Variants in ZNF384 observed in about 807,000 individuals in gnomAD.
ZNF384 encodes the protein zinc finger protein 384, also known as CAG repeat protein 1.
A neutral mutation model predicts 65.0 loss-of-function variants in ZNF384; 20 were observed. The ratio of observed to expected loss-of-function variants is 0.31; its 90% CI spans 0.22 to 0.45. ZNF384 has a LOEUF of 0.45. Ranked by LOEUF, ZNF384 falls within the 20% of genes least tolerant of loss-of-function variation. The pLI is 1.00. For missense variants in ZNF384, 549 were observed against 769.4 expected (o/e 0.71, Z 3.39); for synonymous variants, 310 against 303.9 (o/e 1.02, Z -0.21).
At chr12:6,681,441 G>A (rs979621799) in intron 2 of ZNF384, among the ~76,000 whole-genome samples, 1 of 152,118 alleles carries the variant, frequency 6.6e-6, no homozygotes, top group African/African-American at 2.4e-5. Flanking sequence ...GAGAGTGTGA[G>A]ACTGGTGAAA....
chr12:6,679,492 G>A lies in ZNF384; in HGVS notation c.29C>T (p.Pro10Leu), dbSNP rs767358168. 4 of 1,614,084 alleles carry A rather than the reference G, an allele frequency of 2.5e-6. No homozygotes were observed. Among genetic ancestry groups the A allele is most frequent in the Non-Finnish European group, 3.4e-6 (4 of 1,179,938 alleles). The change falls in exon 3 of 12, where the codon CCG becomes CTG. Residue 10 changes from proline to leucine, a missense_variant. Around this residue, in one of 5 missense-constraint regions of ZNF384, gnomAD observed 277 missense variants for 337.2 expected, o/e 0.82. Transcript: ENST00000683879. MEESHFNSN[P>L]YFWPSIPTVS... The stretch of plus-strand genomic sequence containing the variant: ...TGTGGGGATAGAAGGCCAGAAGTAC[G>A]GGTTAGAATTGAAGTGAGATTCTTC...
intron 6 of ZNF384, 85 bp from the exon 7 acceptor site, chr12:6,677,344 G>A: frequency 1.8e-5 from 22 of 1,207,994 alleles, no homozygotes; most frequent in Non-Finnish European, 2.3e-5. Flanking sequence ...ATCTGCCCCT[G>A]TCTATATCAA....
chr12:6,686,280 G>C (rs1047746328), intron 2 of ZNF384, among the ~76,000 whole-genome samples: 2 of 152,182 alleles, frequency 1.3e-5, no homozygotes, highest in Admixed American at 6.5e-5. Context: ...ATGAGACAGA[G>C]TCTCATTTTG....
rs199639993 is a variant in ZNF384, at chr12:6,672,541, G to A, written c.1005-9C>T. On this transcript the variant is annotated splice_polypyrimidine_tract_variant and intron_variant, in intron 8 of 11. Coordinates refer to ENST00000683879, the MANE Select transcript of ZNF384 (RefSeq NM_001385745.1). This position sits in a 1 kb window ranked among gnomAD's most constrained non-coding sequence, Gnocchi z 4.4. ...GCATCTTGGAGTGGATCCTGCCGGA[G>A]AGGAGAGGAGGGAAGGGGGGAGGAG... 4 of 1,613,334 alleles carry A rather than the reference G, an allele frequency of 2.5e-6. No homozygotes were observed.
chr12:6,668,151 G>A (rs1555086754), intron 11 of ZNF384, 36 bp from the exon 12 acceptor site: 1 of 1,534,018 alleles, frequency 6.5e-7, no homozygotes, highest in Non-Finnish European at 8.8e-7. Flanking sequence ...GAGGGATAAA[G>A]AGGAAGGAAA....
chr12:6,672,267 T>C lies in ZNF384; in HGVS notation c.1187+83A>G. 7.0e-7 allele frequency: 1 copy of C among 1,423,370 alleles called. No homozygotes were observed. The highest frequency in any genetic ancestry group is 1.4e-5 in the South Asian group (1 of 73,486). The allele number at this position is 1,423,370 out of a possible 1,614,324, so 88.2% of individuals were successfully genotyped here. A position where few individuals can be genotyped will look rare whatever the true frequency, so the allele number is the denominator to read the frequency against. On this transcript the variant is annotated intron_variant, in intron 9 of 11. Transcript: ENST00000683879. This position sits in a 1 kb window ranked among gnomAD's most constrained non-coding sequence, Gnocchi z 4.4. ...CCAGGTCTCTCCCCCGCCCCCCGCATGCGGGTTGTTGTGTGTGTCCGGGGC... is the reference window on the plus strand; with the variant it reads ...CCAGGTCTCTCCCCCGCCCCCCGCACGCGGGTTGTTGTGTGTGTCCGGGGC...
chr12:6,677,286 T>C (rs1954010440), intron 6 of ZNF384, 27 bp from the exon 7 acceptor site: 1 of 1,305,038 alleles, frequency 7.7e-7, no homozygotes, highest in East Asian at 4.4e-5. Context: ...ATTGCCCATC[T>C]GGGTACACTA....
At chr12:6,685,393 G>GA in intron 2 of ZNF384, among the ~76,000 whole-genome samples, 1 of 152,098 alleles carries the variant, frequency 6.6e-6, no homozygotes, top group African/African-American at 2.4e-5. Context: ...TAATTTGGTG[G>GA]AAAGAAAAAT....
chr12:6,685,829 G>C (rs543828241), intron 2 of ZNF384, among the ~76,000 whole-genome samples: 2 of 150,764 alleles, frequency 1.3e-5, no homozygotes, highest in Non-Finnish European at 3.0e-5. Flanking sequence ...AATTAAGTTG[G>C]AGAGTAATTT....
Position 6,672,263 on chromosome 12 carries a change from C to G in ZNF384, c.1187+87G>C, listed in dbSNP as rs924006682. ...CCAGCCAGGTCTCTCCCCCGCCCCC[C>G]GCATGCGGGTTGTTGTGTGTGTCCG... On this transcript the variant is annotated intron_variant, in intron 9 of 11. Coordinates refer to ENST00000683879, the MANE Select transcript of ZNF384 (RefSeq NM_001385745.1). The surrounding 1 kb of genome is among the most constrained non-coding windows in gnomAD (Gnocchi z 4.4). The G allele has an allele frequency of 1.4e-6, 2 of 1,425,148 alleles. No individual in the cohort carries two copies. Among genetic ancestry groups the G allele is most frequent in the Non-Finnish European group, 9.4e-7 (1 of 1,060,104 alleles). 88.3% of individuals were successfully genotyped at this position (1,425,148 alleles called of 1,614,324 possible). A position where few individuals can be genotyped will look rare whatever the true frequency, so the allele number is the denominator to read the frequency against.
At chr12:6,676,263 T>G (rs1002848860) in intron 7 of ZNF384, among the ~76,000 whole-genome samples, 7 of 151,904 alleles carry the variant, frequency 4.6e-5, no homozygotes, top group African/African-American at 1.7e-4. Context: ...ATTGTGCCAC[T>G]GCACACCAGC....
chr12:6,679,195 G>A lies in ZNF384; in HGVS notation c.67-12C>T, dbSNP rs374095396. 1.2e-4 allele frequency: 182 copies of A among 1,558,480 alleles called. No individual in the cohort carries two copies. The highest frequency in any genetic ancestry group is 1.5e-4 in the Non-Finnish European group (174 of 1,150,174). On this transcript the variant is annotated splice_polypyrimidine_tract_variant and intron_variant, in intron 3 of 11. Transcript: ENST00000683879. The stretch of plus-strand genomic sequence containing the variant: ...ATTGTGTTCTCGATCTAAGAGAAAA[G>A]GAAGGGGACGGGAGCACCCTCTTCA...
At chr12:6,686,805 G>A (rs1424891098) in intron 2 of ZNF384, among the ~76,000 whole-genome samples, 1 of 152,148 alleles carries the variant, frequency 6.6e-6, no homozygotes, top group Non-Finnish European at 1.5e-5. Flanking sequence ...GACTATTAGC[G>A]ACAATTAGTG....
At position 6,679,247 on chromosome 12, in the gene ZNF384, G is replaced by C. The variant is rs941016602; in HGVS notation, c.67-64C>G. 6 of 1,427,990 alleles carry C rather than the reference G, an allele frequency of 4.2e-6. No homozygotes were observed. In the African/African-American group the frequency reaches 8.5e-5, roughly 20 times the overall value. 88.5% of individuals were successfully genotyped at this position (1,427,990 alleles called of 1,614,324 possible). On this transcript the variant is annotated intron_variant, in intron 3 of 11. Coordinates refer to ENST00000683879, the MANE Select transcript of ZNF384 (RefSeq NM_001385745.1). Reference sequence around the variant, plus strand: ...CCTGAGAGGCTGATTCTGCTTGCTCGTGAGCACACTTCAGTGTCTGTCCTC... The same window carrying C: ...CCTGAGAGGCTGATTCTGCTTGCTCCTGAGCACACTTCAGTGTCTGTCCTC...
At chr12:6,671,716 T>TCATC (rs1951565850) in intron 9 of ZNF384, 1 of 152,494 alleles carries the variant, frequency 6.6e-6, no homozygotes, top group South Asian at 2.1e-4. Flanking sequence ...GCACCAAAGA[T>TCATC]CATCACTTCT....
In ZNF384 at chr12:6,667,579, G is replaced by A; in HGVS notation, c.*135C>T. 2.6e-6 allele frequency: 3 copies of A among 1,157,006 alleles called. No individual in the cohort carries two copies. Among genetic ancestry groups the A allele is most frequent in the Middle Eastern group, 1.9e-4 (1 of 5,216 alleles). The allele number at this position is 1,157,006 out of a possible 1,614,324, so 71.7% of individuals were successfully genotyped here. A position where few individuals can be genotyped will look rare whatever the true frequency, so the allele number is the denominator to read the frequency against. ...AGAAAAAGGATGGTATCCTGTGAAG[G>A]AAAGCCGTGACAGAGGCCCAAGGAG... On this transcript the variant is annotated 3_prime_UTR_variant, in exon 12 of 12. Transcript: ENST00000683879.
rs1592349868 is a variant in ZNF384 at position 6,667,348 on chromosome 12, A to C, written c.*366T>G. The stretch of plus-strand genomic sequence containing the variant: ...GAGGGCCAGCCTCTAGTCTTACATC[A>C]GCCCAAACTTTGAGGATAAGGAGGG... On this transcript the variant is annotated 3_prime_UTR_variant, in exon 12 of 12. Transcript: ENST00000683879. 2.3e-6 allele frequency: 1 copy of C among 428,002 alleles called. No individual in the cohort carries two copies. The highest frequency in any genetic ancestry group is 4.0e-5 in the East Asian group (1 of 25,076). 26.5% of individuals were successfully genotyped at this position (428,002 alleles called of 1,614,324 possible). A position where few individuals can be genotyped will look rare whatever the true frequency, so the allele number is the denominator to read the frequency against.
intron 2 of ZNF384, among the ~76,000 whole-genome samples, chr12:6,679,805 C>A (rs1460427153): frequency 1.3e-5 from 2 of 152,174 alleles, no homozygotes; most frequent in Non-Finnish European, 2.9e-5. Context: ...TAAAGAAAAA[C>A]TGGTATTACT....
chr12:6,668,631 A>T (rs911648279), intron 11 of ZNF384, among the ~76,000 whole-genome samples: 12 of 150,002 alleles, frequency 8.0e-5, no homozygotes, highest in African/African-American at 2.9e-4. Flanking sequence ...TGAACCCAGG[A>T]GGTGGAGGTT....
Sources: allele counts gnomAD v4.1 joint callset (sites outside exome capture counted in the v4.1 genomes callset), GRCh38; gene constraint gnomAD v4.1.1; regional missense constraint gnomAD v4.1.1; non-coding constraint Gnocchi (gnomAD v3.1); transcripts MANE v1.5; gene names NCBI Gene and HGNC (gene_info 2026-07-23, HGNC 2026-07-21).